The following ARHGEF2 variants were observed in gnomAD, a reference collection of about 807,000 sequenced individuals.
ARHGEF2 encodes rho guanine nucleotide exchange factor 2.
A neutral mutation model predicts 121.0 loss-of-function variants in ARHGEF2; 22 were observed. The observed-to-expected ratio is 0.18, with a 90% CI of 0.13 to 0.26. ARHGEF2 has a LOEUF of 0.26. ARHGEF2 is among the 10% of genes least tolerant of loss of function. The probability of loss-of-function intolerance (pLI) is 1.00; values close to 1 mark genes in which losing one functional copy is unlikely to be tolerated. For missense variants in ARHGEF2, 907 were observed against 1,336.0 expected, an observed-to-expected ratio of 0.68 and a Z score of 5.01; for synonymous variants, 487 against 530.0, an observed-to-expected ratio of 0.92 and a Z score of 1.11.
At chr1:155,975,364 C>T (rs1353781760) in intron 1 of ARHGEF2, among the ~76,000 whole-genome samples, 1 of 152,154 alleles carries the variant, frequency 6.6e-6, no homozygotes, top group African/African-American at 2.4e-5. Context: ...TCAGACCCCA[C>T]TGTAACTCCT....
chr1:155,958,436 C>G, intron 11 of ARHGEF2, 40 bp from the exon 12 acceptor site: 3 of 1,535,416 alleles, frequency 2.0e-6, no homozygotes, highest in Non-Finnish European at 2.7e-6. Flanking sequence ...CAGCACTAGA[C>G]GGTCTGAGCA....
intron 1 of ARHGEF2, among the ~76,000 whole-genome samples, chr1:155,975,162 G>C (rs1045746339): frequency 6.6e-6 from 1 of 152,104 alleles, no homozygotes; most frequent in Admixed American, 6.5e-5. Flanking sequence ...CAGAGAGCAC[G>C]AACCCCCTAC....
chr1:155,954,580 G>A (rs900596239), intron 14 of ARHGEF2, among the ~76,000 whole-genome samples: 30 of 135,010 alleles, frequency 2.2e-4, no homozygotes, highest in African/African-American at 6.9e-4. Context: ...GAGCCACCGC[G>A]CCCGGCCAAT....
chr1:155,978,456 G>T lies in ARHGEF2; in HGVS notation c.-29C>A. ...CGGACGGGGGGACCAGGGAGGACGC[G>T]GCGCGGACCCCGGCGTCCTGTATTG... On this transcript the variant is annotated 5_prime_UTR_variant, in exon 1 of 22. Transcript: ENST00000361247. This position sits in a 1 kb window ranked among gnomAD's most constrained non-coding sequence, Gnocchi z 4.1. 6.9e-7 allele frequency: 1 copy of T among 1,455,888 alleles called. No homozygotes were observed. The highest frequency in any genetic ancestry group is 9.2e-7 in the Non-Finnish European group (1 of 1,087,350). The allele number at this position is 1,455,888 out of a possible 1,614,324, so 90.2% of individuals were successfully genotyped here. A position where few individuals can be genotyped will look rare whatever the true frequency, so the allele number is the denominator to read the frequency against.
At chr1:155,949,737 C>T (rs1427192883) in intron 21 of ARHGEF2, among the ~76,000 whole-genome samples, 10 of 151,676 alleles carry the variant, frequency 6.6e-5, no homozygotes, top group East Asian at 2.0e-4. Context: ...ATTAGCTGGG[C>T]GTGGCGGTGG....
intron 1 of ARHGEF2, among the ~76,000 whole-genome samples, chr1:155,972,532 T>C (rs1317046239): frequency 6.6e-6 from 1 of 151,990 alleles, no homozygotes; most frequent in Admixed American, 6.6e-5. Context: ...GATAATCACA[T>C]TGGTCTCCCA....
At chr1:155,960,263 G>C (rs1223201427) in intron 11 of ARHGEF2, among the ~76,000 whole-genome samples, 1 of 152,120 alleles carries the variant, frequency 6.6e-6, no homozygotes, top group Non-Finnish European at 1.5e-5. Context: ...CCAGGAGTCT[G>C]AGCAAGACTA....
At position 155,950,526 on chromosome 1, in the gene ARHGEF2, A is replaced by C; in HGVS notation, c.2704-44T>G. On this transcript the variant is annotated intron_variant, in intron 20 of 21. Coordinates refer to ENST00000361247, the MANE Select transcript of ARHGEF2 (RefSeq NM_001162383.2). The surrounding 1 kb of genome is among the most constrained non-coding windows in gnomAD (Gnocchi z 5.2). The stretch of plus-strand genomic sequence containing the variant: ...AAGAACAGCAGGTCAGGGACTGAGT[A>C]GTGTGAAGATTGGAGGTTCTGCTTG... The C allele has an allele frequency of 2.5e-6, 4 of 1,591,102 alleles. No individual in the cohort carries two copies. Among genetic ancestry groups the C allele is most frequent in the Non-Finnish European group, 3.4e-6 (4 of 1,162,502 alleles).
At position 155,962,997 on chromosome 1, in the gene ARHGEF2, G is replaced by A; in HGVS notation, c.911C>T (p.Ala304Val). 6.2e-7 allele frequency: 1 copy of A among 1,614,166 alleles called. No individual in the cohort carries two copies. Among genetic ancestry groups the A allele is most frequent in the South Asian group, 1.1e-5 (1 of 91,084 alleles). ...LSQLLERRRQ[A>V]LCPGSTRNFV... ...GTTCCGGGTGCTGCCAGGGCACAGG[G>A]CCTGGCGTCGGCGTTCTAATAGCTG... The change falls in exon 8 of 22, where the codon GCC becomes GTC. Residue 304 changes from alanine to valine, a missense_variant. By Grantham distance (64) the Ala-to-Val change is moderately conservative. Transcript: ENST00000361247. The surrounding 1 kb of genome is among the most constrained non-coding windows in gnomAD (Gnocchi z 5.8).
At position 155,947,223 on chromosome 1, in the gene ARHGEF2, A is replaced by G. The variant is rs971352358; in HGVS notation, c.*719T>C. 2 of 384,962 alleles carry G rather than the reference A, an allele frequency of 5.2e-6. No homozygotes were observed. Among genetic ancestry groups the G allele is most frequent in the Non-Finnish European group, 1.0e-5 (2 of 193,494 alleles). The allele number at this position is 384,962 out of a possible 1,614,324, so 23.8% of individuals were successfully genotyped here. ...GCCTACGATCTCTTAAAAATATAAA[A>G]CACGTGCAGTTGACTTTGGTACAAA... On this transcript the variant is annotated 3_prime_UTR_variant, in exon 22 of 22. Transcript: ENST00000361247.
At position 155,965,838 on chromosome 1, in the gene ARHGEF2, T is replaced by A; in HGVS notation, c.341-78A>T. On this transcript the variant is annotated intron_variant, in intron 4 of 21. Transcript: ENST00000361247. The surrounding 1 kb of genome is among the most constrained non-coding windows in gnomAD (Gnocchi z 6.0). ...GATTGAGGCCTCCTAGGCTCCTCAA[T>A]GAGGAATGAGGCATCCTCTCACTCC... The A allele has an allele frequency of 1.3e-6, 2 of 1,482,238 alleles. No homozygotes were observed. The highest frequency in any genetic ancestry group is 2.8e-5 in the South Asian group (2 of 72,066). The allele number at this position is 1,482,238 out of a possible 1,614,324, so 91.8% of individuals were successfully genotyped here. A position where few individuals can be genotyped will look rare whatever the true frequency, so the allele number is the denominator to read the frequency against.
In ARHGEF2 at chr1:155,951,771, T is replaced by C. The variant is rs1365189214; in HGVS notation, c.2178A>G (p.Arg726=). 2 of 1,614,042 alleles carry C rather than the reference T, an allele frequency of 1.2e-6. No individual in the cohort carries two copies. Among genetic ancestry groups the C allele is most frequent in the South Asian group, 2.2e-5 (2 of 91,074 alleles). The change falls in exon 18 of 22, where the codon CGA becomes CGG. Residue 726 remains arginine, a synonymous_variant. Coordinates refer to ENST00000361247, the MANE Select transcript of ARHGEF2 (RefSeq NM_001162383.2). This position sits in a 1 kb window ranked among gnomAD's most constrained non-coding sequence, Gnocchi z 5.1. ...GCGGTGATCTCAGCTGATTTCCATT[T>C]CGATCCTGCAGAAATGGGCAAGAAT... ...RADSDSSQRD[R]NGNQLRSPQE...
In ARHGEF2 at chr1:155,978,050, C is replaced by T. The variant is rs984905916; in HGVS notation, c.63+315G>A. On this transcript the variant is annotated intron_variant, in intron 1 of 21. Transcript: ENST00000361247. The surrounding 1 kb of genome is among the most constrained non-coding windows in gnomAD (Gnocchi z 4.1). ...CCCGCGAGACACACACCTCCCTCTT[C>T]CCGCTCCGTCCCTTACCGGAGCAAC... 9 of 1,106,814 alleles carry T rather than the reference C, an allele frequency of 8.1e-6. No individual in the cohort carries two copies. The highest frequency in any genetic ancestry group is 8.8e-6 in the Non-Finnish European group (8 of 905,942). The allele number at this position is 1,106,814 out of a possible 1,614,324, so 68.6% of individuals were successfully genotyped here.
intron 21 of ARHGEF2, among the ~76,000 whole-genome samples, chr1:155,949,931 A>AT (rs1321412727): frequency 4.0e-5 from 6 of 151,270 alleles, no homozygotes; most frequent in East Asian, 1.9e-4. Context: ...AAATAAATGA[A>AT]TTTTTTTTTG....
intron 14 of ARHGEF2, 73 bp downstream of exon 14, chr1:155,954,829 T>C: frequency 7.0e-7 from 1 of 1,420,100 alleles, no homozygotes; most frequent in South Asian, 1.2e-5. Flanking sequence ...TCTCATCTTT[T>C]TAACAGTTGC....
chr1:155,971,914 T>TACACAC (rs1553249089), intron 1 of ARHGEF2, among the ~76,000 whole-genome samples: 78 of 151,162 alleles, frequency 5.2e-4, no homozygotes, highest in African/African-American at 1.8e-3. Flanking sequence ...TATATATATA[T>TACACAC]ACACACATAA....
intron 14 of ARHGEF2, among the ~76,000 whole-genome samples, chr1:155,954,252 C>T (rs1188538640): frequency 1.4e-5 from 2 of 147,984 alleles, no homozygotes; most frequent in Non-Finnish European, 3.0e-5. Flanking sequence ...GGATTAAAGG[C>T]GTGAGCCACT....
In ARHGEF2 at chr1:155,950,431, G is replaced by A; in HGVS notation, c.2755C>T (p.His919Tyr). The A allele has an allele frequency of 6.2e-7, 1 of 1,614,050 alleles. No individual in the cohort carries two copies. Among genetic ancestry groups the A allele is most frequent in the African/African-American group, 1.3e-5 (1 of 75,062 alleles). Residue 919 changes from histidine to tyrosine, a missense_variant, in exon 21 of 22, where the codon CAT becomes TAT. His to Tyr is a moderately conservative substitution (Grantham distance 83). Around this residue, in one of 2 missense-constraint regions of ARHGEF2, gnomAD observed 432 missense variants for 559.5 expected, o/e 0.77. Coordinates refer to ENST00000361247, the MANE Select transcript of ARHGEF2 (RefSeq NM_001162383.2). This position sits in a 1 kb window ranked among gnomAD's most constrained non-coding sequence, Gnocchi z 5.2. ...LDLPVTTRSV[H>Y]RNFEDRERQE... The stretch of plus-strand genomic sequence containing the variant: ...CTCTCTCGGTCCTCAAAGTTTCGAT[G>A]GACAGAGCGAGTAGTGACAGGTAGA...
chr1:155,955,185 G>A (rs1676412007), intron 13 of ARHGEF2, among the ~76,000 whole-genome samples: 2 of 151,466 alleles, frequency 1.3e-5, no homozygotes, highest in Non-Finnish European at 1.5e-5. Flanking sequence ...TGGAGTGCAA[G>A]GGCGCTATCT....
Sources: gnomAD v4.1 joint callset for allele counts (sites outside exome capture counted in the v4.1 genomes callset) on GRCh38, gnomAD v4.1.1 for gene constraint, gnomAD v4.1.1 regional missense constraint, Gnocchi (gnomAD v3.1) non-coding constraint, MANE v1.5 for transcripts, NCBI Gene and HGNC (gene_info 2026-07-23, HGNC 2026-07-21) for gene names.